Variants in FLNC observed in about 807,000 individuals in gnomAD.
FLNC encodes filamin-C.
In FLNC, 91 loss-of-function variants were observed where a neutral mutation model predicts 254.3. The observed-to-expected ratio is 0.36, with a 90% CI of 0.30 to 0.43. The LOEUF (loss-of-function observed/expected upper bound fraction) is 0.43. Ranked by LOEUF, FLNC falls within the 20% of genes least tolerant of loss-of-function variation. The probability of loss-of-function intolerance (pLI) is 1.00; values close to 1 mark genes in which losing one functional copy is unlikely to be tolerated. For missense variants in FLNC, 2,853 were observed against 3,802.6 expected (o/e 0.75, Z 6.57); for synonymous variants, 1,430 against 1,577.2 (o/e 0.91, Z 2.21).
chr7:128,846,684 G>C, intron 23 of FLNC, 61 bp from the exon 24 acceptor site: 1 of 1,552,724 alleles, frequency 6.4e-7, no homozygotes, highest in Admixed American at 1.7e-5. Context: ...CCCCCATTCA[G>C]CTACTCCCTC....
Position 128,837,454 on chromosome 7 carries a change from C to T in FLNC, c.756C>T (p.Thr252=). The change falls in exon 4 of 48, where the codon ACC becomes ACT. Residue 252 remains threonine (T), a synonymous_variant. Coordinates refer to ENST00000325888, the MANE Select transcript of FLNC (RefSeq NM_001458.5). ...ACGTGGATGAGCATTCTGTTATGACCTACCTGTCCCAGTTCCCCAAGGCCA... is the reference window on the plus strand; with the variant it reads ...ACGTGGATGAGCATTCTGTTATGACTTACCTGTCCCAGTTCCCCAAGGCCA... The part of the protein sequence containing the change: ...DPNVDEHSVM[T]YLSQFPKAKL... 6.2e-7 allele frequency: 1 copy of T among 1,614,176 alleles called. No homozygotes were observed. Among genetic ancestry groups the T allele is most frequent in the Non-Finnish European group, 8.5e-7 (1 of 1,180,018 alleles).
rs749753725 is a variant in FLNC, at chr7:128,849,172, T to C, written c.4928-9T>C. ...CACCGCCTGGCCTCACACTCTTCTC[T>C]CTTTCCAGTGTCCATTGGAGGCCAT... On this transcript the variant is annotated splice_polypyrimidine_tract_variant and intron_variant, in intron 28 of 47. Coordinates refer to ENST00000325888, the MANE Select transcript of FLNC (RefSeq NM_001458.5). 3.1e-6 allele frequency: 5 copies of C among 1,612,888 alleles called. No homozygotes were observed. The highest frequency in any genetic ancestry group is 3.4e-6 in the Non-Finnish European group (4 of 1,179,774).
intron 5 of FLNC, 80 bp from the exon 6 acceptor site, chr7:128,837,907 G>A (rs769067837): frequency 7.0e-7 from 1 of 1,421,590 alleles, no homozygotes; most frequent in Non-Finnish European, 9.9e-7. Flanking sequence ...GCTGAGTGGG[G>A]CTGGGGTGCA....
In FLNC at chr7:128,830,939, C is replaced by A; in HGVS notation, c.302C>A (p.Ser101Tyr). Residue 101 changes from serine (S) to tyrosine (Y), a missense_variant, in exon 1 of 48, where the codon TCC becomes TAC. This residue lies in a region of FLNC where 115 missense variants were observed against 230.3 expected (regional missense o/e 0.50). Transcript: ENST00000325888. ...NFRQMKLENV[S>Y]VALEFLEREH... ...CGCCAAATGAAGCTGGAGAACGTGTCCGTGGCCCTCGAGTTCCTCGAGCGC... is the reference window on the plus strand; with the variant it reads ...CGCCAAATGAAGCTGGAGAACGTGTACGTGGCCCTCGAGTTCCTCGAGCGC... The A allele has an allele frequency of 6.2e-7, 1 of 1,612,230 alleles. No individual in the cohort carries two copies. The highest frequency in any genetic ancestry group is 8.5e-7 in the Non-Finnish European group (1 of 1,179,964).
rs754097557 is a variant in FLNC at position 128,842,685 on chromosome 7, C to T, written c.2376C>T (p.Ser792=). 10 of 1,548,142 alleles carry T rather than the reference C, an allele frequency of 6.5e-6. No individual in the cohort carries two copies. The highest frequency in any genetic ancestry group is 5.9e-5 in the South Asian group (5 of 84,430). The change falls in exon 15 of 48, where the codon AGC becomes AGT. Residue 792 remains serine, a synonymous_variant. Coordinates refer to ENST00000325888, the MANE Select transcript of FLNC (RefSeq NM_001458.5). This position sits in a 1 kb window ranked among gnomAD's most constrained non-coding sequence, Gnocchi z 5.4. Reference sequence around the variant, plus strand: ...CCACCTACTTCACGGTGGACTGCAGCGAGGCGGGGCAAGGTGCGCCCAGCC... The same window carrying T: ...CCACCTACTTCACGGTGGACTGCAGTGAGGCGGGGCAAGGTGCGCCCAGCC... The part of the protein sequence containing the change: ...NEPTYFTVDC[S]EAGQGDVSIG...
chr7:128,853,111 T>TGGCCGCACTC, intron 37 of FLNC, 80 bp downstream of exon 37: 1 of 1,363,062 alleles, frequency 7.3e-7, no homozygotes, highest in Non-Finnish European at 1.0e-6. Flanking sequence ...AGCACCCCCT[T>TGGCCGCACTC]GGCCGCACTC....
Position 128,856,993 on chromosome 7 carries a change from C to G in FLNC, c.7561+72C>G. The G allele has an allele frequency of 6.3e-7, 1 of 1,585,682 alleles. No individual in the cohort carries two copies. Among genetic ancestry groups the G allele is most frequent in the Non-Finnish European group, 8.6e-7 (1 of 1,156,558 alleles). On this transcript the variant is annotated intron_variant, in intron 45 of 47. Transcript: ENST00000325888. This position sits in a 1 kb window ranked among gnomAD's most constrained non-coding sequence, Gnocchi z 5.9. ...GCCACTAGTCTGGTGCTGCTTTGCT[C>G]CAGAGGTAGGGGCCCTGCTTCCTAA...
intron 1 of FLNC, among the ~76,000 whole-genome samples, chr7:128,831,546 C>T (rs1015813359): frequency 2.0e-5 from 3 of 152,178 alleles, no homozygotes; most frequent in African/African-American, 7.2e-5. Flanking sequence ...GGTTCAGGCC[C>T]GGGGGCCAGG....
At position 128,857,927 on chromosome 7, in the gene FLNC, G is replaced by T. The variant is rs1224671158; in HGVS notation, c.7781-81G>T. ...AGGCAGTGAGTCCCACAGGGTGGCA[G>T]TGCTGGCCGAGGGTCCCCTGCCTGG... On this transcript the variant is annotated intron_variant, in intron 46 of 47. Coordinates refer to ENST00000325888, the MANE Select transcript of FLNC (RefSeq NM_001458.5). This position sits in a 1 kb window ranked among gnomAD's most constrained non-coding sequence, Gnocchi z 4.5. 8.7e-6 allele frequency: 9 copies of T among 1,032,860 alleles called. No homozygotes were observed. The highest frequency in any genetic ancestry group is 1.2e-5 in the Non-Finnish European group (8 of 675,248). 64.0% of individuals were successfully genotyped at this position (1,032,860 alleles called of 1,614,324 possible).
Position 128,841,049 on chromosome 7 carries a change from G to C in FLNC, c.1813+79G>C. On this transcript the variant is annotated intron_variant, in intron 11 of 47. Coordinates refer to ENST00000325888, the MANE Select transcript of FLNC (RefSeq NM_001458.5). The surrounding 1 kb of genome is among the most constrained non-coding windows in gnomAD (Gnocchi z 4.3). ...ACACTGTGGGTAATGGGTGCAGTGC[G>C]CATGCTGGGGAGCGCTGGGGTGAGC... 1 of 1,559,550 alleles carries C rather than the reference G, an allele frequency of 6.4e-7. No individual in the cohort carries two copies. Among genetic ancestry groups the C allele is most frequent in the Non-Finnish European group, 8.8e-7 (1 of 1,142,314 alleles).
rs1808432298 is a variant in FLNC at position 128,843,596 on chromosome 7, A to G, written c.2811+19A>G. On this transcript the variant is annotated intron_variant, in intron 18 of 47. Transcript: ENST00000325888. ...CCAGCAGGTGCGCTCTGCCCCTCCC[A>G]TGCTACCGCCCGGCCGGCCCGCCAG... is the stretch of plus-strand genomic sequence containing the variant. 6.2e-7 allele frequency: 1 copy of G among 1,613,222 alleles called. No individual in the cohort carries two copies. The highest frequency in any genetic ancestry group is 1.7e-5 in the Admixed American group (1 of 60,004).
rs751319046 is a variant in FLNC at position 128,843,460 on chromosome 7, C to T, written c.2694C>T (p.Gly898=). The T allele has an allele frequency of 6.2e-7, 1 of 1,614,124 alleles. No individual in the cohort carries two copies. ...THFTVLTKGA[G]KAKLDVQFAG... ...TCACGGTGCTGACCAAGGGAGCCGGCAAGGCCAAGCTGGATGTGCAGTTTG... is the reference window on the plus strand; with the variant it reads ...TCACGGTGCTGACCAAGGGAGCCGGTAAGGCCAAGCTGGATGTGCAGTTTG... Residue 898 remains glycine, a synonymous_variant, in exon 18 of 48, where the codon GGC becomes GGT. Transcript: ENST00000325888.
Position 128,846,962 on chromosome 7 carries a change from C to T in FLNC, c.4288+57C>T, listed in dbSNP as rs571488095. The T allele has an allele frequency of 1.1e-5, 17 of 1,595,624 alleles. No individual in the cohort carries two copies. The East Asian group carries it at 1.8e-4, about 17-fold the overall frequency. On this transcript the variant is annotated intron_variant, in intron 24 of 47. Transcript: ENST00000325888. Reference sequence around the variant, plus strand: ...AAGACAAGGGAGGGTGCAGGATGCTCGCCCCACAAGGGGGAAACTGGAAGG... The same window carrying T: ...AAGACAAGGGAGGGTGCAGGATGCTTGCCCCACAAGGGGGAAACTGGAAGG...
In FLNC at chr7:128,841,592, G is replaced by A. The variant is rs1413537637; in HGVS notation, c.2121+25G>A. The A allele has an allele frequency of 6.4e-7, 1 of 1,563,398 alleles. No homozygotes were observed. Among genetic ancestry groups the A allele is most frequent in the East Asian group, 2.2e-5 (1 of 44,622 alleles). ...GGTAGGTCATTGTCCAGTCTCTGCT[G>A]CCCTTACTACCCATGGCAGGGACCC... On this transcript the variant is annotated intron_variant, in intron 13 of 47. Coordinates refer to ENST00000325888, the MANE Select transcript of FLNC (RefSeq NM_001458.5). The surrounding 1 kb of genome is among the most constrained non-coding windows in gnomAD (Gnocchi z 4.3).
intron 33 of FLNC, 113 bp downstream of exon 33, chr7:128,851,056 A>G: frequency 6.5e-7 from 1 of 1,527,158 alleles, no homozygotes; most frequent in Non-Finnish European, 9.0e-7. Flanking sequence ...GTGTGCAGAC[A>G]CCAGGCGAGG....
Position 128,840,814 on chromosome 7 carries a change from C to G in FLNC, c.1677-20C>G. On this transcript the variant is annotated intron_variant, in intron 10 of 47. Coordinates refer to ENST00000325888, the MANE Select transcript of FLNC (RefSeq NM_001458.5). ...TGGGGGGCACTTCCTGGCATGGACA[C>G]CAGCTCCCTCTCTGCCCAGCCCCTT... The G allele has an allele frequency of 6.2e-7, 1 of 1,613,574 alleles. No individual in the cohort carries two copies. The highest frequency in any genetic ancestry group is 1.3e-5 in the African/African-American group (1 of 74,938).
In FLNC at chr7:128,844,930, G is replaced by T; in HGVS notation, c.3465G>T (p.Pro1155=). The change falls in exon 21 of 48, where the codon CCG becomes CCT. Residue 1155 remains proline, a synonymous_variant. Coordinates refer to ENST00000325888, the MANE Select transcript of FLNC (RefSeq NM_001458.5). ...CCACCATTCGGCCTGTGTTTGACCCGAGCAAGGTGCGGGCCAGTGGACCGG... is the reference window on the plus strand; with the variant it reads ...CCACCATTCGGCCTGTGTTTGACCCTAGCAAGGTGCGGGCCAGTGGACCGG... ...FKATIRPVFD[P]SKVRASGPGL... is the part of the protein sequence containing the mutation. 1 of 1,613,878 alleles carries T rather than the reference G, an allele frequency of 6.2e-7. No homozygotes were observed. Among genetic ancestry groups the T allele is most frequent in the Admixed American group, 1.7e-5 (1 of 60,028 alleles).
chr7:128,846,530 A>G (rs1180551173), intron 23 of FLNC, 67 bp downstream of exon 23: 13 of 1,573,820 alleles, frequency 8.3e-6, no homozygotes, highest in Non-Finnish European at 1.1e-5. Context: ...CTCCTCGCTC[A>G]TCCCTCTGCC....
chr7:128,849,919 C>T, intron 30 of FLNC, 57 bp from the exon 31 acceptor site: 1 of 1,234,904 alleles, frequency 8.1e-7, no homozygotes, highest in Admixed American at 1.9e-5. Flanking sequence ...TTCTCTGAGT[C>T]AGCCCCTAGG....
Sources: allele counts gnomAD v4.1 joint callset (sites outside exome capture counted in the v4.1 genomes callset), GRCh38; gene constraint gnomAD v4.1.1; regional missense constraint gnomAD v4.1.1; non-coding constraint Gnocchi (gnomAD v3.1); transcripts MANE v1.5; gene names NCBI Gene and HGNC (gene_info 2026-07-23, HGNC 2026-07-21).